Variants in BCORL1 observed in about 807,000 individuals in gnomAD.
The protein encoded by BCORL1 is BCL-6 corepressor-like protein 1.
A neutral mutation model predicts 87.6 loss-of-function variants in BCORL1; 7 were observed. The observed-to-expected ratio is 0.08, with a 90% CI of 0.05 to 0.15. BCORL1 has a LOEUF of 0.15. BCORL1 is among the 10% of genes least tolerant of loss of function. The pLI, the probability that BCORL1 is intolerant of heterozygous loss-of-function variation, is 1.00. For synonymous variants in BCORL1, 591 were observed against 634.4 expected, an observed-to-expected ratio of 0.93 and a Z score of 1.03; for missense variants, 1,215 against 1,499.7, an observed-to-expected ratio of 0.81 and a Z score of 3.13.
chrX:130,049,854 G>T (rs1931971140), intron 11 of BCORL1, among the ~76,000 whole-genome samples: 1 of 112,203 alleles, frequency 8.9e-6, no homozygotes, highest in South Asian at 3.6e-4. Context: ...ATTGTGACCA[G>T]CAGGGAATTA....
At chrX:130,034,317 T>G in intron 8 of BCORL1, 138 bp from the exon 9 acceptor site, 2 of 387,385 alleles carry the variant, frequency 5.2e-6, no homozygotes, top group Non-Finnish European at 8.5e-6. Flanking sequence ...GTCTCGGCCA[T>G]TTAGGGTAGT....
intron 1 of BCORL1, among the ~76,000 whole-genome samples, chrX:129,995,950 A>G (rs2124358657): frequency 9.0e-6 from 1 of 111,524 alleles, no homozygotes; most frequent in South Asian, 3.8e-4. Context: ...ACATTTTCCT[A>G]TGGAAAACAA....
intron 1 of BCORL1, among the ~76,000 whole-genome samples, chrX:129,986,360 CATG>C (rs1230606360): frequency 8.9e-6 from 1 of 111,833 alleles, no homozygotes; most frequent in Non-Finnish European, 1.9e-5. Flanking sequence ...TTCCACAAGA[CATG>C]ATGGCTGCAC....
intron 2 of BCORL1, among the ~76,000 whole-genome samples, chrX:130,010,266 G>A (rs1928842740): frequency 8.9e-6 from 1 of 112,182 alleles, no homozygotes; most frequent in Non-Finnish European, 1.9e-5. Context: ...CTTGGGGGAA[G>A]TGCTGCTTGT....
In BCORL1 at chrX:130,025,081, C is replaced by A. The variant is rs138877378; in HGVS notation, c.3780C>A (p.Pro1260=). The change falls in exon 7 of 14, where the codon CCC becomes CCA. Residue 1260 remains proline (P), a synonymous_variant. Transcript: ENST00000540052. ...CAGAAGAAGAAGAGGAGGTAACCCCCACCCCAGCTAAGCGTCGAAAGGTGA... is the reference window on the plus strand; with the variant it reads ...CAGAAGAAGAAGAGGAGGTAACCCCAACCCCAGCTAAGCGTCGAAAGGTGA... ...FPTEEEEEVT[P]TPAKRRKVRK... The A allele has an allele frequency of 1.7e-6, 2 of 1,212,005 alleles. No individual in the cohort carries two copies. Among genetic ancestry groups the A allele is most frequent in the Admixed American group, 2.2e-5 (1 of 46,069 alleles).
chrX:130,047,432 C>T (rs940066107), intron 11 of BCORL1, among the ~76,000 whole-genome samples: 1 of 112,353 alleles, frequency 8.9e-6, no homozygotes, highest in Non-Finnish European at 1.9e-5. Flanking sequence ...GGAGCTCCTC[C>T]TGTGTGCCAC....
chrX:130,004,764 C>T (rs1928359686), intron 1 of BCORL1, among the ~76,000 whole-genome samples: 1 of 112,130 alleles, frequency 8.9e-6, no homozygotes, highest in Non-Finnish European at 1.9e-5. Context: ...TCAAATACTT[C>T]AGTACCCATG....
chrX:130,052,908 G>A (rs968320941), intron 13 of BCORL1, among the ~76,000 whole-genome samples: 1 of 112,302 alleles, frequency 8.9e-6, no homozygotes, highest in Admixed American at 9.4e-5. Flanking sequence ...TTGGGAGGCC[G>A]AGGCAGGTGG....
At chrX:130,007,420 C>T (rs749958531) in intron 2 of BCORL1, among the ~76,000 whole-genome samples, 6 of 112,359 alleles carry the variant, frequency 5.3e-5, no homozygotes, top group Non-Finnish European at 7.5e-5. Flanking sequence ...TAATGATTTG[C>T]GTAAGTATTC....
chrX:130,054,798 C>T (rs1484633187), intron 13 of BCORL1, among the ~76,000 whole-genome samples: 1 of 111,018 alleles, frequency 9.0e-6, no homozygotes, highest in Non-Finnish European at 1.9e-5. Flanking sequence ...GTAATCCCAG[C>T]TACTCAGGAG....
rs781118465 is a variant in BCORL1 at position 130,013,960 on chromosome X, C to T, written c.1188C>T (p.Pro396=). 8.3e-7 allele frequency: 1 copy of T among 1,202,714 alleles called. No individual in the cohort carries two copies. The highest frequency in any genetic ancestry group is 1.7e-5 in the African/African-American group (1 of 57,449). The change falls in exon 4 of 14, where the codon CCC becomes CCT. Residue 396 remains proline (P), a synonymous_variant. Coordinates refer to ENST00000540052, the MANE Select transcript of BCORL1 (RefSeq NM_001379451.1). ...CCATCTTTACTCCAGCCCCTACACCCATGCCTGCTGCCACGCCAGCTGCCA... is the reference window on the plus strand; with the variant it reads ...CCATCTTTACTCCAGCCCCTACACCTATGCCTGCTGCCACGCCAGCTGCCA... ...PAPIFTPAPT[P]MPAATPAAIP...
intron 1 of BCORL1, among the ~76,000 whole-genome samples, chrX:130,002,130 G>A (rs1160257994): frequency 1.8e-5 from 2 of 109,812 alleles, no homozygotes; most frequent in Admixed American, 9.8e-5. Context: ...CGGTAGTGCC[G>A]TTAAGTAAGC....
Position 130,051,857 on chromosome X carries a change from C to T in BCORL1, c.4919-3C>T, listed in dbSNP as rs768894673. 2 of 1,188,934 alleles carry T rather than the reference C, an allele frequency of 1.7e-6. No individual in the cohort carries two copies. The highest frequency in any genetic ancestry group is 3.5e-5 in the African/African-American group (2 of 56,708). On this transcript the variant is annotated splice_polypyrimidine_tract_variant and splice_region_variant and intron_variant, in intron 12 of 13. Coordinates refer to ENST00000540052, the MANE Select transcript of BCORL1 (RefSeq NM_001379451.1). ...CCTAATCCCCTATATGCTCCCCTTA[C>T]AGAGGAAAAAGACGGGTTTGCCTGT...
In BCORL1 at chrX:130,015,696, A is replaced by G; in HGVS notation, c.2924A>G (p.Lys975Arg). 8.3e-7 allele frequency: 1 copy of G among 1,211,894 alleles called. No individual in the cohort carries two copies. The highest frequency in any genetic ancestry group is 1.1e-6 in the Non-Finnish European group (1 of 895,557). ...GGCCCCCAGGGGGCTTGTGGCCTGA[A>G]GCTGGCAGGAGACACGAAGCCTAAG... ...MEGPQGACGL[K>R]LAGDTKPKNQ... is the part of the protein sequence containing the mutation. The change falls in exon 4 of 14, where the codon AAG becomes AGG. Residue 975 changes from lysine to arginine, a missense_variant. This residue lies in a region of BCORL1 where 861 missense variants were observed against 1,010.0 expected (regional missense o/e 0.85). Coordinates refer to ENST00000540052, the MANE Select transcript of BCORL1 (RefSeq NM_001379451.1).
intron 1 of BCORL1, among the ~76,000 whole-genome samples, chrX:129,984,524 G>T (rs1480593274): frequency 8.9e-6 from 1 of 111,836 alleles, no homozygotes; most frequent in Non-Finnish European, 1.9e-5. Context: ...CTGCAGGGGC[G>T]CCAAGAGGCC....
At chrX:129,985,566 A>G (rs759195603) in intron 1 of BCORL1, among the ~76,000 whole-genome samples, 2 of 112,103 alleles carry the variant, frequency 1.8e-5, no homozygotes, top group South Asian at 7.4e-4. Flanking sequence ...GATGGAGGCG[A>G]AAAGTTAGTA....
At chrX:130,017,536 A>G (rs1479034648) in intron 4 of BCORL1, among the ~76,000 whole-genome samples, 4 of 111,390 alleles carry the variant, frequency 3.6e-5, no homozygotes, top group Non-Finnish European at 7.5e-5. Flanking sequence ...AGGATACATT[A>G]CCCAGTTACA....
chrX:130,051,063 C>G (rs775013270), intron 12 of BCORL1, among the ~76,000 whole-genome samples: 1 of 112,129 alleles, frequency 8.9e-6, no homozygotes, highest in South Asian at 3.7e-4. Context: ...CCTTTCTTCT[C>G]CCTGGCTTTG....
chrX:130,053,665 C>T (rs1932202254), intron 13 of BCORL1, among the ~76,000 whole-genome samples: 1 of 111,617 alleles, frequency 9.0e-6, no homozygotes, highest in East Asian at 2.8e-4. Flanking sequence ...CATCCTCTAG[C>T]GCTCGCTCTA....
Sources: allele counts gnomAD v4.1 joint callset (sites outside exome capture counted in the v4.1 genomes callset), GRCh38; gene constraint gnomAD v4.1.1; regional missense constraint gnomAD v4.1.1; transcripts MANE v1.5; gene names NCBI Gene and HGNC (gene_info 2026-07-23, HGNC 2026-07-21).